The following RAD51D variants were observed in gnomAD, a reference collection of about 807,000 sequenced individuals.
RAD51D encodes DNA repair protein RAD51 homolog 4.
Under a neutral mutation model 44.1 loss-of-function variants are expected in RAD51D, and 38 were observed. The ratio of observed to expected loss-of-function variants is 0.86; its 90% CI spans 0.67 to 1.13. RAD51D has a LOEUF of 1.13. RAD51D is among the 50% of genes most tolerant of loss of function. The pLI is 0.00. For missense variants in RAD51D, 390 were observed against 414.0 expected (o/e 0.94, Z 0.50); for synonymous variants, 141 against 166.6 (o/e 0.85, Z 1.18).
chr17:35,116,011 A>AAGAAAGAAAGAAAGGC lies in RAD51D; in HGVS notation c.263+2489_263+2490insGCCTTTCTTTCTTTCT, dbSNP rs1227455825. Among the ~76,000 whole-genome samples the AAGAAAGAAAGAAAGGC allele has an allele frequency of 4.0e-5, 6 of 151,238 alleles. No individual in the cohort carries two copies. In the East Asian group the frequency reaches 1.2e-3, roughly 30 times the overall value. On this transcript the variant is annotated intron_variant, in intron 3 of 9. Transcript: ENST00000345365. ...AAAGAAAGAAAGAAAGAAAGAAAGAAAGGCTAGAAACCTGGTGAGTCAGCT... is the reference window on the plus strand; with the variant it reads ...AAAGAAAGAAAGAAAGAAAGAAAGAAAGAAAGAAAGAAAGGCAGGCTAGAAACCTGGTGAGTCAGCT...
In RAD51D at chr17:35,098,088, G is replaced by A. The variant is rs1005113229; in HGVS notation, c.*2865C>T. On this transcript the variant is annotated 3_prime_UTR_variant, in exon 10 of 10. Coordinates refer to ENST00000345365, the MANE Select transcript of RAD51D (RefSeq NM_002878.4). ...TGGCTGTGAGGGGCACAGCCTGCAG[G>A]AATGTCACGTGGTGGTCTCAAGTAG... The A allele has an allele frequency of 1.3e-5, 2 of 152,360 alleles. No individual in the cohort carries two copies. Among genetic ancestry groups the A allele is most frequent in the South Asian group, 4.1e-4 (2 of 4,826 alleles). 9.4% of individuals were successfully genotyped at this position (152,360 alleles called of 1,614,324 possible).
chr17:35,107,487 G>A (rs539265370), intron 3 of RAD51D, 40 bp from the exon 4 acceptor site: 2 of 1,449,828 alleles, frequency 1.4e-6, no homozygotes, highest in East Asian at 2.3e-5. Context: ...AAGAGGTTAG[G>A]AGGAAGACAG....
intron 3 of RAD51D, among the ~76,000 whole-genome samples, chr17:35,108,721 GC>G (rs1465436128): frequency 6.6e-6 from 1 of 151,854 alleles, no homozygotes; most frequent in Non-Finnish European, 1.5e-5. Flanking sequence ...TCTTCCTCCT[GC>G]TACCCTTTTA....
chr17:35,113,231 T>C (rs910817355), intron 3 of RAD51D, among the ~76,000 whole-genome samples: 3 of 152,174 alleles, frequency 2.0e-5, no homozygotes, highest in African/African-American at 7.2e-5. Context: ...CCATGACCTC[T>C]CTGTATATGC....
At chr17:35,115,266 C>T (rs376500781) in intron 3 of RAD51D, 216 of 518,346 alleles carry the variant, frequency 4.2e-4, no homozygotes, top group African/African-American at 3.9e-3. Context: ...CATTCACACA[C>T]CACTTCAATG....
At position 35,092,260 on chromosome 17, in the gene RAD51D, A is replaced by G. The variant is rs1172821888; in HGVS notation, c.*8693T>C. 2.6e-5 allele frequency: 4 copies of G among 152,226 alleles called. No homozygotes were observed. The highest frequency in any genetic ancestry group is 6.5e-5 in the Admixed American group (1 of 15,286). The allele number at this position is 152,226 out of a possible 1,614,324, so 9.4% of individuals were successfully genotyped here. A position where few individuals can be genotyped will look rare whatever the true frequency, so the allele number is the denominator to read the frequency against. Reference sequence around the variant, plus strand: ...TTTTTATTATTTCTACTCATTTGCTAAGTACTTTCCAACGCATATTTATGA... The same window carrying G: ...TTTTTATTATTTCTACTCATTTGCTGAGTACTTTCCAACGCATATTTATGA... On this transcript the variant is annotated 3_prime_UTR_variant, in exon 10 of 10. Transcript: ENST00000345365.
At chr17:35,110,175 C>T (rs959473547) in intron 3 of RAD51D, among the ~76,000 whole-genome samples, 12 of 151,916 alleles carry the variant, frequency 7.9e-5, no homozygotes, top group African/African-American at 2.9e-4. Context: ...GTTTTTGCCA[C>T]GTTGCCCAGG....
chr17:35,100,852 G>A lies in RAD51D; in HGVS notation c.*101C>T, dbSNP rs749139316. On this transcript the variant is annotated 3_prime_UTR_variant, in exon 10 of 10. Coordinates refer to ENST00000345365, the MANE Select transcript of RAD51D (RefSeq NM_002878.4). ...TCTTCTGGCCAGCCTGAGAACGTCT[G>A]TAGTCACCAGTGCCAGGTGGCAGTA... The A allele has an allele frequency of 3.7e-5, 36 of 976,280 alleles. No homozygotes were observed. The highest frequency in any genetic ancestry group is 6.0e-5 in the Non-Finnish European group (36 of 604,564). 60.5% of individuals were successfully genotyped at this position (976,280 alleles called of 1,614,324 possible).
intron 3 of RAD51D, among the ~76,000 whole-genome samples, chr17:35,113,971 A>G (rs773072663): frequency 6.6e-6 from 1 of 152,158 alleles, no homozygotes; most frequent in Non-Finnish European, 1.5e-5. Flanking sequence ...TCCTGCCTGC[A>G]CATTAAAATC....
chr17:35,111,244 G>A (rs2091671734), intron 3 of RAD51D, among the ~76,000 whole-genome samples: 1 of 151,606 alleles, frequency 6.6e-6, no homozygotes, highest in Non-Finnish European at 1.5e-5. Flanking sequence ...AGCCAGGCCT[G>A]GTGGCATGTG....
At chr17:35,115,969 GAAA>G (rs1567733657) in intron 3 of RAD51D, among the ~76,000 whole-genome samples, 11 of 142,862 alleles carry the variant, frequency 7.7e-5, no homozygotes, top group Admixed American at 1.4e-4. Context: ...AAGAAAGAAA[GAAA>G]GAAAGAAAGA....
At chr17:35,118,461 C>T (rs759161611) in intron 3 of RAD51D, 40 bp downstream of exon 3, 1 of 1,552,858 alleles carries the variant, frequency 6.4e-7, no homozygotes, top group Non-Finnish European at 8.9e-7. Context: ...AGGCCCCATC[C>T]TCCTGCCTCT....
Position 35,107,428 on chromosome 17 carries a change from CATCAAGCAGT to C in RAD51D, c.273_282del (p.Leu93ValfsTer7). The C allele has an allele frequency of 6.4e-7, 1 of 1,558,696 alleles. No individual in the cohort carries two copies. The highest frequency in any genetic ancestry group is 2.2e-5 in the East Asian group (1 of 44,622). On this transcript the variant is annotated frameshift_variant, in exon 4 of 10. Coordinates refer to ENST00000345365, the MANE Select transcript of RAD51D (RefSeq NM_002878.4). LOFTEE classifies it high-confidence loss of function. The stretch of plus-strand genomic sequence containing the variant: ...GTCACTTCTCCAGTATAGAGACCAG[CATCAAGCAGT>C]TTATCAAGACTGATGGCAGAAGAGA...
chr17:35,114,207 G>A (rs1222090368), intron 3 of RAD51D, among the ~76,000 whole-genome samples: 1 of 152,102 alleles, frequency 6.6e-6, no homozygotes, highest in Non-Finnish European at 1.5e-5. Flanking sequence ...GGGAGGTGGA[G>A]CTTGCAGTGA....
rs2091778221 is a variant in RAD51D at position 35,118,591 on chromosome 17, A to T, written c.173T>A (p.Leu58Gln). Residue 58 changes from leucine to glutamine, a missense_variant, in exon 3 of 10, where the codon CTG becomes CAG. Physicochemically the swap from Leu to Gln is moderately radical, Grantham distance 113 (BLOSUM62 -2). Coordinates refer to ENST00000345365, the MANE Select transcript of RAD51D (RefSeq NM_002878.4). ...CACGGGGAAAGCCGAGAACTGAGCC[A>T]GCAGCACCCGCCTCAGGGCAACCAG... ...KALVALRRVL[L>Q]AQFSAFPVNG... 6.2e-7 allele frequency: 1 copy of T among 1,614,232 alleles called. No homozygotes were observed. Among genetic ancestry groups the T allele is most frequent in the Non-Finnish European group, 8.5e-7 (1 of 1,180,048 alleles).
At chr17:35,109,911 C>A (rs1230414377) in intron 3 of RAD51D, among the ~76,000 whole-genome samples, 4 of 151,970 alleles carry the variant, frequency 2.6e-5, no homozygotes, top group African/African-American at 4.8e-5. Context: ...AGGTGATCAA[C>A]CTGCCTTGGC....
chr17:35,106,901 C>G (rs2142431128), intron 5 of RAD51D, 87 bp downstream of exon 5: 1 of 1,597,432 alleles, frequency 6.3e-7, no homozygotes, highest in Non-Finnish European at 8.6e-7. Flanking sequence ...CAAGGAATGA[C>G]TATTCAACCC....
In RAD51D at chr17:35,101,208, G is replaced by A. The variant is rs1379526157; in HGVS notation, c.896C>T (p.Ser299Phe). ...GRRMACLAKS[S>F]RQPTGFQEMV... The stretch of plus-strand genomic sequence containing the variant: ...TTCCTGGGGCTGGCTCACCTGTCGG[G>A]AAGATTTGGCCAGACACGCCATGCG... Residue 299 changes from serine to phenylalanine, a missense_variant, in exon 9 of 10, where the codon TCC (serine) becomes TTC (phenylalanine). Ser to Phe is a radical substitution (Grantham distance 155). Coordinates refer to ENST00000345365, the MANE Select transcript of RAD51D (RefSeq NM_002878.4). 2 of 1,614,138 alleles carry A rather than the reference G, an allele frequency of 1.2e-6. No individual in the cohort carries two copies. The highest frequency in any genetic ancestry group is 2.2e-5 in the South Asian group (2 of 91,084).
rs1426666641 is a variant in RAD51D at position 35,106,899 on chromosome 17, G to A, written c.480+89C>T. The A allele has an allele frequency of 2.5e-6, 4 of 1,589,372 alleles. No individual in the cohort carries two copies. In the African/African-American group the frequency reaches 4.0e-5, roughly 16 times the overall value. On this transcript the variant is annotated intron_variant, in intron 5 of 9. Transcript: ENST00000345365. ...AACAGCAAGTTTGAAGGCAAGGAAT[G>A]ACTATTCAACCCAAATTCTTACAAT...
Sources: gnomAD v4.1 joint callset for allele counts (sites outside exome capture counted in the v4.1 genomes callset) on GRCh38, gnomAD v4.1.1 for gene constraint, MANE v1.5 for transcripts, NCBI Gene and HGNC (gene_info 2026-07-23, HGNC 2026-07-21) for gene names.